The following GRID1 variants were observed in gnomAD, a reference collection of about 807,000 sequenced individuals.
GRID1 encodes glutamate ionotropic receptor delta type subunit 1, also known as glutamate receptor ionotropic, delta-1.
GRID1 carries 28 observed loss-of-function variants against 98.0 expected under a neutral mutation model. The observed-to-expected ratio is 0.29, with a 90% confidence interval of 0.21 to 0.39. The LOEUF is 0.39. Among genes scored for constraint, GRID1 ranks in the 10% least tolerant of loss-of-function variants. The pLI is 1.00. For synonymous variants in GRID1, 553 were observed against 538.5 expected (o/e 1.03, Z -0.37); for missense variants, 1,111 against 1,340.5 (o/e 0.83, Z 2.67).
chr10:85,839,122 C>G (rs184933973), intron 8 of GRID1, among the ~76,000 whole-genome samples: 234 of 152,314 alleles, frequency 1.5e-3, no homozygotes, highest in Non-Finnish European at 2.7e-3. Context: ...CCATCCAACA[C>G]AGGATCACCA....
At chr10:85,624,401 T>A (rs1005922849) in intron 13 of GRID1, among the ~76,000 whole-genome samples, 5 of 152,190 alleles carry the variant, frequency 3.3e-5, no homozygotes, top group African/African-American at 1.2e-4. Flanking sequence ...GAGACAAGGC[T>A]GTGGATACAG....
In GRID1 at chr10:85,946,911, G is replaced by A. The variant is rs115238019; in HGVS notation, c.727-30672C>T. 2.3e-3 allele frequency among the ~76,000 whole-genome samples: 350 copies of A among 152,296 alleles called. 3 individuals carry two copies. Among genetic ancestry groups the A allele is most frequent in the African/African-American group, 8.0e-3 (333 of 41,566 alleles). ...GAATATGAGAAGCACACAGTCATAAGCTCCAATGGCTCACAATGCGGAAAT... is the reference window on the plus strand; with the variant it reads ...GAATATGAGAAGCACACAGTCATAAACTCCAATGGCTCACAATGCGGAAAT... On this transcript the variant is annotated intron_variant, in intron 4 of 15. Transcript: ENST00000327946.
At chr10:85,928,155 G>A (rs1266907612) in intron 4 of GRID1, among the ~76,000 whole-genome samples, 1 of 141,268 alleles carries the variant, frequency 7.1e-6, no homozygotes, top group East Asian at 2.2e-4. Flanking sequence ...AAGTTGGAGA[G>A]GACAATCTTA....
At chr10:86,145,361 T>C (rs1339934952) in intron 3 of GRID1, among the ~76,000 whole-genome samples, 1 of 152,182 alleles carries the variant, frequency 6.6e-6, no homozygotes, top group Non-Finnish European at 1.5e-5. Flanking sequence ...TAGCTGGGAT[T>C]ACAGACACCC....
intron 2 of GRID1, among the ~76,000 whole-genome samples, chr10:86,274,313 G>T (rs148445988): frequency 0.01 from 1,562 of 152,282 alleles, 31 homozygotes; most frequent in South Asian, 0.037. Flanking sequence ...GGTGACTGTA[G>T]CCTTGTAGTA....
chr10:86,090,042 C>A (rs1844122458), intron 4 of GRID1, among the ~76,000 whole-genome samples: 1 of 152,146 alleles, frequency 6.6e-6, no homozygotes, highest in African/African-American at 2.4e-5. Context: ...CCACCGTGCC[C>A]AGCCTGGAAA....
intron 8 of GRID1, among the ~76,000 whole-genome samples, chr10:85,740,802 A>G (rs1488888641): frequency 1.3e-5 from 2 of 151,556 alleles, no homozygotes; most frequent in East Asian, 3.9e-4. Flanking sequence ...CCCAGGCTGG[A>G]GTGCAGTGGC....
chr10:86,304,158 C>G (rs7914291), intron 2 of GRID1, among the ~76,000 whole-genome samples: 3 of 152,322 alleles, frequency 2.0e-5, no homozygotes, highest in Non-Finnish European at 4.4e-5. Flanking sequence ...CTCTGCACCT[C>G]CTACCTGTCC....
At chr10:86,045,840 T>C (rs925474427) in intron 4 of GRID1, among the ~76,000 whole-genome samples, 1 of 152,166 alleles carries the variant, frequency 6.6e-6, no homozygotes, top group Non-Finnish European at 1.5e-5. Flanking sequence ...AAAGGTGTGG[T>C]GCAAGACAGA....
intron 2 of GRID1, among the ~76,000 whole-genome samples, chr10:86,214,583 A>G (rs752492349): frequency 2.6e-5 from 4 of 152,122 alleles, no homozygotes; most frequent in African/African-American, 7.2e-5. Context: ...GCAAGAAACT[A>G]TGTAATCTGT....
chr10:86,118,998 A>T (rs528835479), intron 4 of GRID1, among the ~76,000 whole-genome samples: 1 of 152,160 alleles, frequency 6.6e-6, no homozygotes, highest in Non-Finnish European at 1.5e-5. Flanking sequence ...CCTGGATAGG[A>T]TCCTAAGACA....
At chr10:86,205,642 A>T (rs977750981) in intron 3 of GRID1, among the ~76,000 whole-genome samples, 2 of 152,152 alleles carry the variant, frequency 1.3e-5, no homozygotes, top group African/African-American at 2.4e-5. Context: ...GTAAATCTAA[A>T]TTATCACATA....
chr10:86,149,596 A>T (rs370755693), intron 3 of GRID1, among the ~76,000 whole-genome samples: 1 of 152,276 alleles, frequency 6.6e-6, no homozygotes, highest in Non-Finnish European at 1.5e-5. Context: ...AGGCTGGAAG[A>T]TCGAGATTAA....
At chr10:86,147,409 G>A (rs1255851245) in intron 3 of GRID1, among the ~76,000 whole-genome samples, 1 of 152,142 alleles carries the variant, frequency 6.6e-6, no homozygotes, top group Admixed American at 6.5e-5. Flanking sequence ...AAAGAACAAC[G>A]CTGGAGGCAT....
chr10:86,219,966 G>A (rs1846230031), intron 2 of GRID1, among the ~76,000 whole-genome samples: 1 of 152,202 alleles, frequency 6.6e-6, no homozygotes, highest in Non-Finnish European at 1.5e-5. Flanking sequence ...CTACCACACA[G>A]CAGCCCAGAG....
In GRID1 at chr10:85,916,307, C is replaced by G; in HGVS notation, c.727-68G>C. On this transcript the variant is annotated intron_variant, in intron 4 of 15. Transcript: ENST00000327946. The surrounding 1 kb of genome is among the most constrained non-coding windows in gnomAD (Gnocchi z 4.0). The stretch of plus-strand genomic sequence containing the variant: ...AAGCTGGCAGACACAGGATGATTGC[C>G]GAGACAGAGTTTTATAAACATTGTT... 1 of 1,127,988 alleles carries G rather than the reference C, an allele frequency of 8.9e-7. No homozygotes were observed. Among genetic ancestry groups the G allele is most frequent in the Non-Finnish European group, 1.4e-6 (1 of 740,222 alleles). The allele number at this position is 1,127,988 out of a possible 1,614,324, so 69.9% of individuals were successfully genotyped here.
At chr10:85,714,971 C>T (rs1016565891) in intron 12 of GRID1, among the ~76,000 whole-genome samples, 1 of 152,104 alleles carries the variant, frequency 6.6e-6, no homozygotes, top group Non-Finnish European at 1.5e-5. Context: ...GAAGACATCA[C>T]ACTACCTGAT....
At chr10:85,945,232 A>C (rs1179509796) in intron 4 of GRID1, among the ~76,000 whole-genome samples, 1 of 152,266 alleles carries the variant, frequency 6.6e-6, no homozygotes, top group Non-Finnish European at 1.5e-5. Context: ...AGAAGAAATA[A>C]ATGATTTTAA....
chr10:85,915,621 C>T (rs115158135), intron 5 of GRID1, among the ~76,000 whole-genome samples: 27 of 152,058 alleles, frequency 1.8e-4, no homozygotes, highest in South Asian at 8.3e-4. Flanking sequence ...CACACATCCA[C>T]GAACATGCAT....
Sources: gnomAD v4.1 joint callset for allele counts (sites outside exome capture counted in the v4.1 genomes callset) on GRCh38, gnomAD v4.1.1 for gene constraint, Gnocchi (gnomAD v3.1) non-coding constraint, MANE v1.5 for transcripts, NCBI Gene and HGNC (gene_info 2026-07-23, HGNC 2026-07-21) for gene names.